Variants in PAPPA2 observed in about 807,000 individuals in gnomAD.
PAPPA2 encodes the protein pappalysin-2.
In PAPPA2, 86 loss-of-function variants were observed where a neutral mutation model predicts 176.4. That is an observed-to-expected ratio of 0.49 (90% CI 0.41 to 0.58). PAPPA2 has a LOEUF of 0.58. Ranked by LOEUF, PAPPA2 falls within the 20% of genes least tolerant of loss-of-function variation. The pLI, the probability that PAPPA2 is intolerant of heterozygous loss-of-function variation, is 0.00. For missense variants in PAPPA2, 2,073 were observed against 2,256.9 expected (o/e 0.92, Z 1.65); for synonymous variants, 809 against 852.2 (o/e 0.95, Z 0.88).
At chr1:176,716,509 G>A (rs1169645156) in intron 12 of PAPPA2, among the ~76,000 whole-genome samples, 1 of 151,320 alleles carries the variant, frequency 6.6e-6, no homozygotes, top group Non-Finnish European at 1.5e-5. Context: ...GCCTCCCAAA[G>A]TGCTGGGATA....
chr1:176,475,503 T>C lies in PAPPA2; in HGVS notation c.-917+12085T>C, dbSNP rs551470839. Among the ~76,000 whole-genome samples the C allele has an allele frequency of 5.3e-5, 8 of 152,320 alleles. No individual in the cohort carries two copies. In the East Asian group the frequency reaches 1.5e-3, roughly 29 times the overall value. On this transcript the variant is annotated intron_variant, in intron 1 of 22. Coordinates refer to ENST00000367662, the MANE Select transcript of PAPPA2 (RefSeq NM_020318.3). The stretch of plus-strand genomic sequence containing the variant: ...CTCCTTTAGTAAGCACTGAGAACCA[T>C]ATGTGCTTTCACTTTGTCCTCCTGA...
intron 21 of PAPPA2, among the ~76,000 whole-genome samples, chr1:176,805,609 A>G (rs1157773527): frequency 6.6e-6 from 1 of 152,196 alleles, no homozygotes; most frequent in Admixed American, 6.5e-5. Flanking sequence ...ATTGTCAAAT[A>G]ATATAACGTA....
At chr1:176,598,781 T>C (rs536056164) in intron 3 of PAPPA2, among the ~76,000 whole-genome samples, 1 of 152,302 alleles carries the variant, frequency 6.6e-6, no homozygotes, top group East Asian at 1.9e-4. Flanking sequence ...TCTATTCTTT[T>C]CTTCCAGTCT....
intron 21 of PAPPA2, among the ~76,000 whole-genome samples, chr1:176,810,122 C>G (rs554677385): frequency 3.3e-5 from 5 of 152,130 alleles, no homozygotes; most frequent in Non-Finnish European, 7.4e-5. Context: ...GGCTAAGACA[C>G]TCCAGTGCAG....
Position 176,463,665 on chromosome 1 carries a change from G to A in PAPPA2, c.-917+247G>A, listed in dbSNP as rs370051578. Among the ~76,000 whole-genome samples the A allele has an allele frequency of 5.9e-5, 9 of 152,240 alleles. No homozygotes were observed. The East Asian group carries it at 1.4e-3, about 23-fold the overall frequency. On this transcript the variant is annotated intron_variant, in intron 1 of 22. Transcript: ENST00000367662. Reference sequence around the variant, plus strand: ...CCAGTCTAATAACTTGTAACAAATTGTCTCATTTTTCTTTGATAAGTGACA... The same window carrying A: ...CCAGTCTAATAACTTGTAACAAATTATCTCATTTTTCTTTGATAAGTGACA...
intron 2 of PAPPA2, among the ~76,000 whole-genome samples, chr1:176,567,764 C>T (rs1443538255): frequency 6.6e-6 from 1 of 152,116 alleles, no homozygotes; most frequent in Non-Finnish European, 1.5e-5. Flanking sequence ...ACTGGTCCTG[C>T]CTGGATAAAC....
intron 2 of PAPPA2, among the ~76,000 whole-genome samples, chr1:176,579,019 C>T (rs1033337933): frequency 5.3e-5 from 8 of 152,102 alleles, no homozygotes; most frequent in African/African-American, 1.7e-4. Flanking sequence ...TTTTCCCCCT[C>T]ATTAGGGTGG....
chr1:176,795,249 T>C (rs371416309), intron 20 of PAPPA2, among the ~76,000 whole-genome samples: 4 of 152,098 alleles, frequency 2.6e-5, no homozygotes, highest in African/African-American at 9.7e-5. Flanking sequence ...AATTCCCCAG[T>C]AAACTGTACT....
intron 1 of PAPPA2, among the ~76,000 whole-genome samples, chr1:176,548,453 T>A (rs979725781): frequency 6.6e-6 from 1 of 152,078 alleles, no homozygotes; most frequent in African/African-American, 2.4e-5. Flanking sequence ...CAATAGAGAC[T>A]TTAGGAAAAG....
chr1:176,838,465 T>A (rs6659773), intron 21 of PAPPA2, among the ~76,000 whole-genome samples: 2,431 of 152,284 alleles, frequency 0.016, 71 homozygotes, highest in African/African-American at 0.055. Flanking sequence ...AAGTAACAGA[T>A]GTAGTGCTAG....
intron 3 of PAPPA2, among the ~76,000 whole-genome samples, chr1:176,626,850 GA>G (rs1483904589): frequency 3.3e-5 from 5 of 150,760 alleles, no homozygotes; most frequent in African/African-American, 1.2e-4. Context: ...TTGGCAATAA[GA>G]TTGAGTGTGT....
At chr1:176,754,385 C>A (rs1331993227) in intron 14 of PAPPA2, among the ~76,000 whole-genome samples, 1 of 152,226 alleles carries the variant, frequency 6.6e-6, no homozygotes, top group African/African-American at 2.4e-5. Context: ...TCTCAGCAAT[C>A]TCCAGAGGCC....
chr1:176,464,398 G>A lies in PAPPA2; in HGVS notation c.-917+980G>A, dbSNP rs113903031. Among the ~76,000 whole-genome samples, 1,195 of 152,164 alleles carry A rather than the reference G, an allele frequency of 7.9e-3. 3 individuals are homozygous for A. The highest frequency in any genetic ancestry group is 0.013 in the Non-Finnish European group (894 of 67,988). ...ATTTATTGAGCACCTACAATGTATG[G>A]CCCACTTCATGGGTGTGGGATCTCT... is the stretch of plus-strand genomic sequence containing the variant. On this transcript the variant is annotated intron_variant, in intron 1 of 22. Transcript: ENST00000367662.
chr1:176,577,202 T>C (rs2102622298), intron 2 of PAPPA2, among the ~76,000 whole-genome samples: 1 of 152,272 alleles, frequency 6.6e-6, no homozygotes, highest in African/African-American at 2.4e-5. Flanking sequence ...CCTCTTCAAC[T>C]CCTTTAGATT....
At chr1:176,633,294 G>A (rs1285044671) in intron 3 of PAPPA2, among the ~76,000 whole-genome samples, 4 of 152,274 alleles carry the variant, frequency 2.6e-5, no homozygotes, top group Non-Finnish European at 5.9e-5. Context: ...AGCCAGCTCT[G>A]GAGAGGCTGA....
intron 6 of PAPPA2, among the ~76,000 whole-genome samples, chr1:176,693,796 A>C (rs546687153): frequency 1.8e-4 from 28 of 152,338 alleles, no homozygotes; most frequent in African/African-American, 6.7e-4. Flanking sequence ...TGTGAGAATC[A>C]TCTTCCTGCA....
intron 1 of PAPPA2, among the ~76,000 whole-genome samples, chr1:176,511,339 C>T (rs1306858869): frequency 6.6e-6 from 1 of 152,130 alleles, no homozygotes; most frequent in African/African-American, 2.4e-5. Context: ...TTAAAACTCT[C>T]AACAAATTAG....
chr1:176,630,018 C>T (rs550638562), intron 3 of PAPPA2, among the ~76,000 whole-genome samples: 1 of 152,248 alleles, frequency 6.6e-6, no homozygotes, highest in Admixed American at 6.5e-5. Context: ...GAGATCACAC[C>T]ATTGCACTCC....
intron 21 of PAPPA2, among the ~76,000 whole-genome samples, chr1:176,810,055 G>A (rs1311519864): frequency 6.6e-6 from 1 of 150,912 alleles, no homozygotes; most frequent in Admixed American, 6.6e-5. Context: ...GGTAAAATCT[G>A]TCAGCACATT....
Sources: gnomAD v4.1 joint callset for allele counts (sites outside exome capture counted in the v4.1 genomes callset) on GRCh38, gnomAD v4.1.1 for gene constraint, MANE v1.5 for transcripts, NCBI Gene and HGNC (gene_info 2026-07-23, HGNC 2026-07-21) for gene names.